DCLK1: variants seen among roughly 807,000 people sequenced by gnomAD.
The protein encoded by DCLK1 is serine/threonine-protein kinase DCLK1.
Under a neutral mutation model 86.2 loss-of-function variants are expected in DCLK1, and 16 were observed. The observed-to-expected ratio is 0.19, with a 90% confidence interval of 0.13 to 0.28. The LOEUF is 0.28. Among genes scored for constraint, DCLK1 ranks in the 10% least tolerant of loss-of-function variants. The probability of loss-of-function intolerance (pLI) is 1.00; values close to 1 mark genes in which losing one functional copy is unlikely to be tolerated. For synonymous variants in DCLK1, 369 were observed against 370.5 expected (o/e 1.00, Z 0.05); for missense variants, 590 against 940.2 (o/e 0.63, Z 4.87).
At chr13:35,816,203 C>A (rs1248921823) in intron 11 of DCLK1, among the ~76,000 whole-genome samples, 1 of 152,172 alleles carries the variant, frequency 6.6e-6, no homozygotes, top group Non-Finnish European at 1.5e-5. Context: ...TTCTGTCACA[C>A]AATTATTATC....
At chr13:36,092,204 A>AG (rs201307661) in intron 3 of DCLK1, among the ~76,000 whole-genome samples, 11 of 151,316 alleles carry the variant, frequency 7.3e-5, no homozygotes, top group Non-Finnish European at 1.6e-4. Flanking sequence ...CTGGCTCTTG[A>AG]GGTTTTTTTT....
chr13:36,014,954 C>G (rs1332033027), intron 3 of DCLK1, among the ~76,000 whole-genome samples: 1 of 151,894 alleles, frequency 6.6e-6, no homozygotes, highest in South Asian at 2.1e-4. Context: ...TTTCCCCTAC[C>G]ATGTTCTAAT....
chr13:36,126,009 G>T lies in DCLK1; in HGVS notation c.129C>A (p.Arg43=). ...PTHSAHCSFY[R]TRTLQTLSSE... ...AGCTGAGCGTCTGCAGCGTGCGGGT[G>T]CGGTAGAAGCTGCAGTGGGCGCTGT... Residue 43 remains arginine, a synonymous_variant, in exon 2 of 17, where the codon CGC becomes CGA. Transcript: ENST00000360631. The T allele has an allele frequency of 6.2e-7, 1 of 1,614,104 alleles. No homozygotes were observed. Among genetic ancestry groups the T allele is most frequent in the African/African-American group, 1.3e-5 (1 of 75,040 alleles).
At chr13:36,083,128 G>T (rs1227522792) in intron 3 of DCLK1, among the ~76,000 whole-genome samples, 2 of 152,164 alleles carry the variant, frequency 1.3e-5, no homozygotes, top group Non-Finnish European at 2.9e-5. Context: ...GAGGGTCAAA[G>T]AGTATAAACA....
At chr13:35,820,365 T>C (rs1453256138) in intron 11 of DCLK1, among the ~76,000 whole-genome samples, 1 of 152,208 alleles carries the variant, frequency 6.6e-6, no homozygotes, top group Non-Finnish European at 1.5e-5. Context: ...GTTCAGCTTC[T>C]TAAATTAGAA....
chr13:35,830,664 T>G (rs894452892), intron 8 of DCLK1, among the ~76,000 whole-genome samples: 10 of 152,234 alleles, frequency 6.6e-5, no homozygotes, highest in Non-Finnish European at 1.3e-4. Flanking sequence ...CCTATCTGGC[T>G]TAACATGTCC....
intron 5 of DCLK1, among the ~76,000 whole-genome samples, chr13:35,865,642 C>T (rs1344194415): frequency 6.6e-6 from 1 of 152,176 alleles, no homozygotes; most frequent in Non-Finnish European, 1.5e-5. Context: ...TTCATCTCTG[C>T]ATCATTAGTG....
intron 3 of DCLK1, among the ~76,000 whole-genome samples, chr13:36,001,034 C>T (rs910212181): frequency 6.6e-6 from 1 of 151,774 alleles, no homozygotes; most frequent in Non-Finnish European, 1.5e-5. Context: ...CCACAACATC[C>T]GCCTCCCAGG....
chr13:35,977,340 T>C (rs1348793617), intron 3 of DCLK1, among the ~76,000 whole-genome samples: 1 of 152,030 alleles, frequency 6.6e-6, no homozygotes, highest in East Asian at 1.9e-4. Context: ...TTCCTTGGGG[T>C]GGGCAGGAGG....
intron 4 of DCLK1, among the ~76,000 whole-genome samples, chr13:35,883,184 T>A (rs1171444420): frequency 2.0e-5 from 3 of 152,124 alleles, no homozygotes; most frequent in Non-Finnish European, 4.4e-5. Flanking sequence ...AGGGCAGTTG[T>A]TGTAGTTTAG....
chr13:35,839,196 G>A lies in DCLK1; in HGVS notation c.1036-20C>T, dbSNP rs7333702. The A allele has an allele frequency of 3.3e-3, 5,128 of 1,559,000 alleles. 137 individuals carry two copies. The African/African-American group carries it at 0.061, about 19-fold the overall frequency. On this transcript the variant is annotated intron_variant, in intron 6 of 16. Transcript: ENST00000360631. ...AGAGCTCTGTAGGGGAACAGAAACC[G>A]GTAATTCAAAAACTGGGTCAGAATG...
chr13:36,124,256 G>A (rs1886091943), intron 2 of DCLK1, among the ~76,000 whole-genome samples: 1 of 152,188 alleles, frequency 6.6e-6, no homozygotes, highest in Non-Finnish European at 1.5e-5. Flanking sequence ...CAAAGGTCAT[G>A]CAAAGGACAG....
intron 7 of DCLK1, among the ~76,000 whole-genome samples, chr13:35,838,072 A>AAAAAAAAAAAAAAAAAAAAG (rs1555343219): frequency 4.9e-4 from 74 of 149,850 alleles, no homozygotes; most frequent in African/African-American, 1.8e-3. Flanking sequence ...TCTCAAAAAA[A>AAAAAAAAAAAAAAAAAAAAG]AAAAGAAAAG....
intron 3 of DCLK1, among the ~76,000 whole-genome samples, chr13:36,109,975 A>G (rs1335816952): frequency 6.6e-6 from 1 of 152,232 alleles, no homozygotes; most frequent in East Asian, 1.9e-4. Context: ...AAAGTCATTA[A>G]AGCCGATTTT....
intron 11 of DCLK1, among the ~76,000 whole-genome samples, chr13:35,816,353 C>G (rs2087266438): frequency 6.6e-6 from 1 of 152,142 alleles, no homozygotes. Context: ...TCCTATCCTT[C>G]TTTTTCCATT....
chr13:35,948,478 T>A (rs1459279325), intron 3 of DCLK1, among the ~76,000 whole-genome samples: 1 of 152,216 alleles, frequency 6.6e-6, no homozygotes, highest in African/African-American at 2.4e-5. Flanking sequence ...CTCTGACTTG[T>A]CTGCAGTTTC....
At chr13:35,992,556 T>TA (rs1175086514) in intron 3 of DCLK1, among the ~76,000 whole-genome samples, 1 of 152,120 alleles carries the variant, frequency 6.6e-6, no homozygotes, top group Non-Finnish European at 1.5e-5. Flanking sequence ...ACTCCTGACT[T>TA]ACTGCAGTCA....
chr13:35,857,590 G>T (rs1490916556), intron 5 of DCLK1, among the ~76,000 whole-genome samples: 1 of 152,172 alleles, frequency 6.6e-6, no homozygotes, highest in African/African-American at 2.4e-5. Context: ...ACTCTCTGCC[G>T]CATCTCCTTT....
At chr13:36,036,908 A>G (rs1882524141) in intron 3 of DCLK1, among the ~76,000 whole-genome samples, 2 of 152,154 alleles carry the variant, frequency 1.3e-5, no homozygotes, top group African/African-American at 4.8e-5. Context: ...GGAAATCAAT[A>G]TATTGAAGAA....
Sources: gnomAD v4.1 joint callset for allele counts (sites outside exome capture counted in the v4.1 genomes callset) on GRCh38, gnomAD v4.1.1 for gene constraint, MANE v1.5 for transcripts, NCBI Gene and HGNC (gene_info 2026-07-23, HGNC 2026-07-21) for gene names.